B3GALT5: variants seen among roughly 807,000 people sequenced by gnomAD.
B3GALT5 encodes the protein UDP-Gal:betaGlcNAc beta 1,3-galactosyltransferase, polypeptide 5.
For synonymous variants in B3GALT5, 156 were observed against 158.6 expected (o/e 0.98, Z 0.12); for missense variants, 328 against 396.6 (o/e 0.83, Z 1.47).
Position 39,661,692 on chromosome 21 carries a change from C to T in B3GALT5, c.*200C>T. On this transcript the variant is annotated 3_prime_UTR_variant, in exon 4 of 4. Coordinates refer to ENST00000684187, the MANE Select transcript of B3GALT5 (RefSeq NM_001356336.2). This position sits in a 1 kb window ranked among gnomAD's most constrained non-coding sequence, Gnocchi z 4.7. ...AATAGGCCCGTCTCTTGGGCACGCA[C>T]ACTCTTCATACTAAGTGTTTGACAT... The T allele has an allele frequency of 1.9e-6, 1 of 512,820 alleles. No individual in the cohort carries two copies. The highest frequency in any genetic ancestry group is 3.4e-6 in the Non-Finnish European group (1 of 293,416). The allele number at this position is 512,820 out of a possible 1,614,324, so 31.8% of individuals were successfully genotyped here. A position where few individuals can be genotyped will look rare whatever the true frequency, so the allele number is the denominator to read the frequency against.
chr21:39,644,335 GCTTGGGA>G (rs1395558795), intron 1 of B3GALT5, among the ~76,000 whole-genome samples: 1 of 152,180 alleles, frequency 6.6e-6, no homozygotes, highest in Non-Finnish European at 1.5e-5. Context: ...AGGGTAAAAA[GCTTGGGA>G]CTCACAAGGA....
At chr21:39,636,602 TC>T (rs1189756066) in intron 1 of B3GALT5, among the ~76,000 whole-genome samples, 1 of 152,010 alleles carries the variant, frequency 6.6e-6, no homozygotes, top group Non-Finnish European at 1.5e-5. Context: ...TGGCACATCT[TC>T]TTGAGGGGCT....
chr21:39,625,415 A>G (rs555001251), intron 1 of B3GALT5, among the ~76,000 whole-genome samples: 40 of 152,248 alleles, frequency 2.6e-4, no homozygotes, highest in African/African-American at 8.7e-4. Context: ...TCATTAGTCC[A>G]TGGGGTGTGT....
intron 1 of B3GALT5, among the ~76,000 whole-genome samples, chr21:39,625,587 C>A (rs960867683): frequency 2.6e-5 from 4 of 152,168 alleles, no homozygotes; most frequent in Non-Finnish European, 4.4e-5. Context: ...TTTTGAGATT[C>A]ATTATGCATA....
intron 1 of B3GALT5, among the ~76,000 whole-genome samples, chr21:39,626,939 C>G (rs560361213): frequency 6.6e-6 from 1 of 152,164 alleles, no homozygotes; most frequent in Non-Finnish European, 1.5e-5. Flanking sequence ...TCATTTCTTA[C>G]GTTCCTCGCT....
intron 1 of B3GALT5, among the ~76,000 whole-genome samples, chr21:39,638,113 A>C (rs189547145): frequency 3.9e-4 from 60 of 152,290 alleles, no homozygotes; most frequent in African/African-American, 1.2e-3. Flanking sequence ...CCTTTAAATG[A>C]TACTGAAGGG....
chr21:39,626,294 GTATA>G (rs891049875), intron 1 of B3GALT5, among the ~76,000 whole-genome samples: 1 of 152,168 alleles, frequency 6.6e-6, no homozygotes, highest in African/African-American at 2.4e-5. Context: ...TTCACTGTGT[GTATA>G]TATATAGCAT....
intron 2 of B3GALT5, chr21:39,657,838 C>T (rs1221665980): frequency 8.1e-6 from 10 of 1,231,548 alleles, no homozygotes; most frequent in Non-Finnish European, 1.0e-5. Context: ...AACTGCCATT[C>T]CGTTATTGAC....
Position 39,646,116 on chromosome 21 carries a change from A to C in B3GALT5, c.-391-276A>C, listed in dbSNP as rs549036649. The stretch of plus-strand genomic sequence containing the variant: ...AACAGAGAATGCGTGGTGCGACCGA[A>C]GGTCTCCTGCTGGTGTGGAAAGGTG... On this transcript the variant is annotated intron_variant, in intron 1 of 3. Transcript: ENST00000684187. Among the ~76,000 whole-genome samples, 293 of 152,154 alleles carry C rather than the reference A, an allele frequency of 1.9e-3. 4 individuals are homozygous for C. Among genetic ancestry groups the C allele is most frequent in the African/African-American group, 6.4e-3 (264 of 41,478 alleles).
chr21:39,616,590 C>A (rs1311093875), intron 1 of B3GALT5, among the ~76,000 whole-genome samples: 3 of 152,102 alleles, frequency 2.0e-5, no homozygotes, highest in Admixed American at 2.0e-4. Flanking sequence ...ATTTGTCAAG[C>A]ATATTTAACA....
intron 2 of B3GALT5, among the ~76,000 whole-genome samples, chr21:39,652,112 G>A (rs983932445): frequency 3.9e-5 from 6 of 152,168 alleles, no homozygotes; most frequent in Admixed American, 2.0e-4. Context: ...CCAAGAGAAG[G>A]TCATTGTCCT....
chr21:39,660,563 G>A lies in B3GALT5; in HGVS notation c.4G>A (p.Ala2Thr). 7.1e-7 allele frequency: 1 copy of A among 1,416,668 alleles called. No individual in the cohort carries two copies. The highest frequency in any genetic ancestry group is 9.2e-7 in the Non-Finnish European group (1 of 1,081,588). The allele number at this position is 1,416,668 out of a possible 1,614,324, so 87.8% of individuals were successfully genotyped here. ...CATTGGATTTTGTTCCTTTCAGATG[G>A]CTTTCCCGAAGATGAGATTGATGTA... MAFPKMRLMYIC... is the reference protein window; with the variant it reads MTFPKMRLMYIC... The change falls in exon 4 of 4, where the codon GCT (alanine) becomes ACT (threonine). Residue 2 changes from alanine (A) to threonine (T), a missense_variant. Ala to Thr is a moderately conservative substitution (Grantham distance 58). Coordinates refer to ENST00000684187, the MANE Select transcript of B3GALT5 (RefSeq NM_001356336.2).
In B3GALT5 at chr21:39,661,080, ACAGAACAAC is replaced by A; in HGVS notation, c.525_533del (p.Thr176_Arg178del). ...CTGACTGAACTGCTTCTGAAGAAAAACAGAACAACCAGGTTTTTCACTGGCTTCTTGAAA... is the reference window on the plus strand; with the variant it reads ...CTGACTGAACTGCTTCTGAAGAAAAACAGGTTTTTCACTGGCTTCTTGAAA... On this transcript the variant is annotated inframe_deletion, in exon 4 of 4. Transcript: ENST00000684187. The surrounding 1 kb of genome is among the most constrained non-coding windows in gnomAD (Gnocchi z 4.7). 1.2e-6 allele frequency: 2 copies of A among 1,614,170 alleles called. No homozygotes were observed. The highest frequency in any genetic ancestry group is 3.3e-5 in the Admixed American group (2 of 60,032).
At chr21:39,645,939 C>G (rs562055912) in intron 1 of B3GALT5, among the ~76,000 whole-genome samples, 47 of 151,208 alleles carry the variant, frequency 3.1e-4, no homozygotes, top group Non-Finnish European at 6.6e-4. Flanking sequence ...GGCTCGGACA[C>G]TGATCCCGCA....
chr21:39,650,191 A>G (rs1201246662), intron 2 of B3GALT5, among the ~76,000 whole-genome samples: 2 of 152,154 alleles, frequency 1.3e-5, no homozygotes, highest in Non-Finnish European at 2.9e-5. Flanking sequence ...AAATAAATAC[A>G]GGTGATTTCT....
Position 39,663,488 on chromosome 21 carries a change from C to A in B3GALT5, c.*1996C>A, listed in dbSNP as rs1480528527. 1 of 120,148 alleles carries A rather than the reference C, an allele frequency of 8.3e-6. No individual in the cohort carries two copies. Among genetic ancestry groups the A allele is most frequent in the Non-Finnish European group, 1.7e-5 (1 of 57,816 alleles). The allele number at this position is 120,148 out of a possible 1,614,324, so 7.4% of individuals were successfully genotyped here. On this transcript the variant is annotated 3_prime_UTR_variant, in exon 4 of 4. Coordinates refer to ENST00000684187, the MANE Select transcript of B3GALT5 (RefSeq NM_001356336.2). ...ATCCCCTTCCCTCTTCTTTTCTTTT[C>A]TTTTTTTCTGACAGGGTCTCACCCT...
chr21:39,660,454 A>C, intron 3 of B3GALT5, 106 bp from the exon 4 acceptor site: 3 of 992,524 alleles, frequency 3.0e-6, no homozygotes, highest in Non-Finnish European at 4.1e-6. Context: ...GCGAGGTTCT[A>C]GAGTTTCCAA....
rs1044516817 is a variant in B3GALT5, at chr21:39,672,196, C to G, written c.*10704C>G. 6 of 152,222 alleles carry G rather than the reference C, an allele frequency of 3.9e-5. No individual in the cohort carries two copies. Among genetic ancestry groups the G allele is most frequent in the African/African-American group, 1.2e-4 (5 of 41,454 alleles). 9.4% of individuals were successfully genotyped at this position (152,222 alleles called of 1,614,324 possible). On this transcript the variant is annotated 3_prime_UTR_variant, in exon 4 of 4. Transcript: ENST00000684187. Reference sequence around the variant, plus strand: ...GGCGCAGACCCTCCTGCCAGCGAAGCCAGCGTGAGGTCTGTTGGCTCAGGG... The same window carrying G: ...GGCGCAGACCCTCCTGCCAGCGAAGGCAGCGTGAGGTCTGTTGGCTCAGGG...
rs182964076 is a variant in B3GALT5 at position 39,672,559 on chromosome 21, T to G, written c.*11067T>G. 1.3e-5 allele frequency: 2 copies of G among 152,312 alleles called. No homozygotes were observed. Among genetic ancestry groups the G allele is most frequent in the Admixed American group, 1.3e-4 (2 of 15,304 alleles). 9.4% of individuals were successfully genotyped at this position (152,312 alleles called of 1,614,324 possible). The stretch of plus-strand genomic sequence containing the variant: ...CCTTATTATTGGTTAATAATCATAT[T>G]TATTTTTAATGAAAATTAAATTATG... On this transcript the variant is annotated 3_prime_UTR_variant, in exon 4 of 4. Coordinates refer to ENST00000684187, the MANE Select transcript of B3GALT5 (RefSeq NM_001356336.2).
Sources: allele counts gnomAD v4.1 joint callset (sites outside exome capture counted in the v4.1 genomes callset), GRCh38; gene constraint gnomAD v4.1.1; non-coding constraint Gnocchi (gnomAD v3.1); transcripts MANE v1.5; gene names NCBI Gene and HGNC (gene_info 2026-07-23, HGNC 2026-07-21).